Variants in TANK observed in about 807,000 individuals in gnomAD.
The protein encoded by TANK is TRAF family member associated NFKB activator, also known as TRAF family member-associated NF-kappa-B activator.
In TANK, 15 loss-of-function variants were observed where a neutral mutation model predicts 43.6. The observed-to-expected ratio is 0.34, with a 90% CI of 0.23 to 0.53. The LOEUF (loss-of-function observed/expected upper bound fraction) is 0.53, where lower values mean the gene tolerates loss of function less well. Ranked by LOEUF, TANK falls within the 20% of genes least tolerant of loss-of-function variation. The pLI, the probability that TANK is intolerant of heterozygous loss-of-function variation, is 0.94. For synonymous variants in TANK, 162 were observed against 178.2 expected (o/e 0.91, Z 0.73); for missense variants, 417 against 498.6 (o/e 0.84, Z 1.56).
intron 1 of TANK, among the ~76,000 whole-genome samples, chr2:161,175,112 A>G (rs1418287381): frequency 8.5e-5 from 13 of 152,126 alleles, no homozygotes; most frequent in African/African-American, 1.2e-4. Context: ...ATGCTCATAT[A>G]CTATATGCTT....
intron 6 of TANK, chr2:161,227,135 T>A (rs1687672245): frequency 6.6e-6 from 1 of 152,234 alleles, no homozygotes; most frequent in Non-Finnish European, 1.5e-5. Flanking sequence ...CTTAGATTTC[T>A]AGTAGCATTA....
intron 1 of TANK, chr2:161,161,042 G>A (rs575156026): frequency 3.5e-6 from 2 of 570,876 alleles, no homozygotes; most frequent in Admixed American, 6.3e-5. Flanking sequence ...CACGGAGGGA[G>A]TGGGTGGCCA....
chr2:161,179,986 G>A, intron 2 of TANK: 2 of 1,195,602 alleles, frequency 1.7e-6, no homozygotes, highest in East Asian at 3.5e-5. Flanking sequence ...CTTTTCAGGT[G>A]ATTGTGAAAG....
At chr2:161,201,063 T>C (rs551657233) in intron 2 of TANK, 1 of 975,792 alleles carries the variant, frequency 1.0e-6, no homozygotes, top group South Asian at 4.7e-5. Context: ...GACTAGAATA[T>C]TATAACTGCT....
chr2:161,150,773 T>C (rs999226039), intron 1 of TANK, among the ~76,000 whole-genome samples: 3 of 152,042 alleles, frequency 2.0e-5, no homozygotes, highest in Non-Finnish European at 4.4e-5. Flanking sequence ...GTATTTTTAG[T>C]AGAGCCAAGG....
chr2:161,186,092 C>T (rs1685651244), intron 2 of TANK, among the ~76,000 whole-genome samples: 1 of 152,100 alleles, frequency 6.6e-6, no homozygotes. Context: ...ATTGCTTGAG[C>T]CCAGTGATCC....
chr2:161,212,620 A>G, intron 4 of TANK: 3 of 985,408 alleles, frequency 3.0e-6, no homozygotes, highest in Non-Finnish European at 3.6e-6. Flanking sequence ...CCTAACTTAG[A>G]AGCAAATTCG....
chr2:161,219,319 G>A (rs1304175563), intron 4 of TANK, among the ~76,000 whole-genome samples: 1 of 152,168 alleles, frequency 6.6e-6, no homozygotes, highest in Non-Finnish European at 1.5e-5. Context: ...GAAGTAATTA[G>A]GGTGTTTAAT....
chr2:161,205,078 A>G lies in TANK; in HGVS notation c.327+285A>G, dbSNP rs571990098. ...ACTGACTCACTCCTGTAATTCAAAC[A>G]CTTTGGGAGGCCAAGGAGGGAGGAT... On this transcript the variant is annotated intron_variant, in intron 4 of 7. Coordinates refer to ENST00000392749, the MANE Select transcript of TANK (RefSeq NM_001199135.3). 5.4e-6 allele frequency: 4 copies of G among 737,516 alleles called. No individual in the cohort carries two copies. In the Admixed American group the frequency reaches 1.6e-4, roughly 29 times the overall value. 45.7% of individuals were successfully genotyped at this position (737,516 alleles called of 1,614,324 possible).
At chr2:161,211,275 C>T (rs1686875219) in intron 4 of TANK, among the ~76,000 whole-genome samples, 1 of 152,154 alleles carries the variant, frequency 6.6e-6, no homozygotes, top group Admixed American at 6.5e-5. Flanking sequence ...ATGGCATTCC[C>T]ATCCTTACAC....
chr2:161,212,835 G>A, intron 4 of TANK: 2 of 917,214 alleles, frequency 2.2e-6, no homozygotes, highest in Non-Finnish European at 2.6e-6. Context: ...CTCCATCTTA[G>A]TCTGTATTGC....
chr2:161,160,138 T>C, upstream of TANK: 1 of 342,768 alleles, frequency 2.9e-6, no homozygotes, highest in Non-Finnish European at 5.3e-6. Context: ...TTACCGGTTA[T>C]TTATCGTTTG....
chr2:161,160,469 G>C lies in TANK; in HGVS notation c.-67G>C. On this transcript the variant is annotated 5_prime_UTR_variant, in exon 1 of 8. Coordinates refer to ENST00000392749, the MANE Select transcript of TANK (RefSeq NM_001199135.3). ...GCGACCTGAGGGGAGAGGGAACGCA[G>C]CTGAAAGCGTGAACTGTGTGAGTAA... The C allele has an allele frequency of 8.1e-7, 1 of 1,239,182 alleles. No homozygotes were observed. Among genetic ancestry groups the C allele is most frequent in the Non-Finnish European group, 1.0e-6 (1 of 991,186 alleles). The allele number at this position is 1,239,182 out of a possible 1,614,324, so 76.8% of individuals were successfully genotyped here.
rs530009961 is a variant in TANK, at chr2:161,183,904, TA to T, written c.99+4150del. 9.7e-4 allele frequency among the ~76,000 whole-genome samples: 148 copies of T among 151,994 alleles called. No individual in the cohort carries two copies. The Middle Eastern group carries it at 0.017, about 17-fold the overall frequency. ...ATAGATATTTTACTATATAGTAGAA[TA>T]AAAAAAGTAGTTATTACTATAGTGT... is the stretch of plus-strand genomic sequence containing the variant. On this transcript the variant is annotated intron_variant, in intron 2 of 7. Transcript: ENST00000392749.
chr2:161,149,640 T>A lies in TANK; in HGVS notation c.-50+12577T>A, dbSNP rs1267065. Among the ~76,000 whole-genome samples, 1,223 of 152,288 alleles carry A rather than the reference T, an allele frequency of 8.0e-3. 18 individuals carry two copies. Among genetic ancestry groups the A allele is most frequent in the African/African-American group, 0.028 (1,171 of 41,570 alleles). On this transcript the variant is annotated intron_variant, in intron 1 of 7. Coordinates refer to the TANK transcript ENST00000259075. ...GAGGGTTTTTCATAAATGCTCTTTATTATGTTAAGGAAGTTCCCTTCTAAT... is the reference window on the plus strand; with the variant it reads ...GAGGGTTTTTCATAAATGCTCTTTAATATGTTAAGGAAGTTCCCTTCTAAT...
chr2:161,150,249 A>G (rs1488868954), intron 1 of TANK, among the ~76,000 whole-genome samples: 1 of 152,134 alleles, frequency 6.6e-6, no homozygotes, highest in Non-Finnish European at 1.5e-5. Flanking sequence ...TAGGTTATCT[A>G]ATTGGTTGAT....
At chr2:161,230,900 A>C in intron 6 of TANK, 71 bp from the exon 7 acceptor site, 1 of 1,201,880 alleles carries the variant, frequency 8.3e-7, no homozygotes, top group South Asian at 1.3e-5. Context: ...TAATCTCTCC[A>C]AAGCTGATTG....
intron 4 of TANK, among the ~76,000 whole-genome samples, chr2:161,206,814 TTAAA>T (rs1221660474): frequency 6.6e-6 from 1 of 152,152 alleles, no homozygotes; most frequent in East Asian, 1.9e-4. Context: ...AATTTAGTGC[TTAAA>T]TAAACAATAT....
At chr2:161,175,532 C>A (rs1573985775) in intron 1 of TANK, among the ~76,000 whole-genome samples, 1 of 152,042 alleles carries the variant, frequency 6.6e-6, no homozygotes, top group African/African-American at 2.4e-5. Context: ...CCAGCAAATA[C>A]CTTGTTCTGA....
Sources: allele counts gnomAD v4.1 joint callset (sites outside exome capture counted in the v4.1 genomes callset), GRCh38; gene constraint gnomAD v4.1.1; transcripts MANE v1.5; gene names NCBI Gene and HGNC (gene_info 2026-07-23, HGNC 2026-07-21).